Variants in CDH15 observed in about 807,000 individuals in gnomAD.
The protein encoded by CDH15 is cadherin 15, also known as cadherin-15.
CDH15 carries 73 observed loss-of-function variants against 69.4 expected under a neutral mutation model. The observed-to-expected ratio is 1.05, with a 90% CI of 0.87 to 1.28. CDH15 has a LOEUF of 1.28. Among genes scored for constraint, CDH15 ranks in the 50% most tolerant of loss-of-function variants. CDH15 has a pLI of 0.00. For missense variants in CDH15, 1,343 were observed against 1,133.6 expected, an observed-to-expected ratio of 1.18 and a Z score of -2.65; for synonymous variants, 624 against 507.7, an observed-to-expected ratio of 1.23 and a Z score of -3.08.
chr16:89,189,324 T>C (rs1915585250), intron 7 of CDH15, among the ~76,000 whole-genome samples: 1 of 129,844 alleles, frequency 7.7e-6, no homozygotes, highest in Non-Finnish European at 1.6e-5. Flanking sequence ...CACACACACA[T>C]GCCGGCACAC....
chr16:89,194,625 G>C (rs895449700), intron 13 of CDH15, among the ~76,000 whole-genome samples: 2 of 152,184 alleles, frequency 1.3e-5, no homozygotes, highest in African/African-American at 2.4e-5. Flanking sequence ...AGCCCCGGGG[G>C]ACGGGCTGGC....
rs1392942888 is a variant in CDH15 at position 89,192,323 on chromosome 16, C to T, written c.1734C>T (p.Thr578=). 4.6e-6 allele frequency: 7 copies of T among 1,535,744 alleles called. No individual in the cohort carries two copies. In the South Asian group the frequency reaches 8.3e-5, roughly 18 times the overall value. Reference sequence around the variant, plus strand: ...AGCGCGAGCAGCCTCTGAACGTGACCGTGTGCCGCTGCGGCAAGGACGGCG... The same window carrying T: ...AGCGCGAGCAGCCTCTGAACGTGACTGTGTGCCGCTGCGGCAAGGACGGCG... The part of the protein sequence containing the change: ...PQQREQPLNV[T]VCRCGKDGVC... Residue 578 remains threonine (T), a synonymous_variant, in exon 11 of 14, where the codon ACC becomes ACT. Transcript: ENST00000289746.
intron 10 of CDH15, 66 bp from the exon 11 acceptor site, chr16:89,192,139 C>A: frequency 6.8e-7 from 1 of 1,469,158 alleles, no homozygotes; most frequent in South Asian, 1.3e-5. Context: ...TGTCTCGGCG[C>A]GAGGAGGGCA....
At chr16:89,192,176 C>T in intron 10 of CDH15, 29 bp from the exon 11 acceptor site, 6 of 1,516,058 alleles carry the variant, frequency 4.0e-6, no homozygotes, top group Non-Finnish European at 5.3e-6. Context: ...CCTCGGGAGG[C>T]CCTCGCTCAC....
At chr16:89,174,243 G>A (rs890915003) in intron 1 of CDH15, among the ~76,000 whole-genome samples, 2 of 152,216 alleles carry the variant, frequency 1.3e-5, no homozygotes, top group African/African-American at 4.8e-5. Context: ...CAACAGCTGG[G>A]GCCATTCCTG....
chr16:89,181,741 C>T (rs564367033), intron 3 of CDH15, among the ~76,000 whole-genome samples: 1 of 152,040 alleles, frequency 6.6e-6, no homozygotes, highest in East Asian at 1.9e-4. Context: ...AGATCGAGAC[C>T]ATCCTGGCTA....
At position 89,180,349 on chromosome 16, in the gene CDH15, C is replaced by T. The variant is rs768597663; in HGVS notation, c.351C>T (p.Arg117=). 5.5e-5 allele frequency: 88 copies of T among 1,611,796 alleles called. No homozygotes were observed. The highest frequency in any genetic ancestry group is 7.2e-5 in the Non-Finnish European group (85 of 1,179,352). The change falls in exon 3 of 14, where the codon CGC becomes CGT. Residue 117 remains arginine (R), a synonymous_variant. Transcript: ENST00000289746. The part of the protein sequence containing the change: ...NAMLDREKTD[R]FRLRAFALDL... Reference sequence around the variant, plus strand: ...TGCTGGACCGCGAGAAGACTGATCGCTTCAGGGTGCGGAGCTGCGTGGTCG... The same window carrying T: ...TGCTGGACCGCGAGAAGACTGATCGTTTCAGGGTGCGGAGCTGCGTGGTCG...
In CDH15 at chr16:89,188,343, G is replaced by C. The variant is rs147672450; in HGVS notation, c.978+58G>C. On this transcript the variant is annotated intron_variant, in intron 7 of 13. Transcript: ENST00000289746. ...GCAGACGCAGATGCCGACACACACAGATGCCCACACACAGATGCCGGCACA... is the reference window on the plus strand; with the variant it reads ...GCAGACGCAGATGCCGACACACACACATGCCCACACACAGATGCCGGCACA... The C allele has an allele frequency of 2.8e-5, 40 of 1,426,386 alleles. No individual in the cohort carries two copies. The African/African-American group carries it at 5.1e-4, about 18-fold the overall frequency. 88.4% of individuals were successfully genotyped at this position (1,426,386 alleles called of 1,614,324 possible). A position where few individuals can be genotyped will look rare whatever the true frequency, so the allele number is the denominator to read the frequency against.
At chr16:89,185,721 CT>C (rs2151601175) in intron 5 of CDH15, 1 of 335,536 alleles carries the variant, frequency 3.0e-6, no homozygotes, top group Admixed American at 4.2e-5. Flanking sequence ...GAGTCAGCTC[CT>C]CTAGGAAGCC....
intron 7 of CDH15, among the ~76,000 whole-genome samples, chr16:89,188,859 C>G (rs534831161): frequency 6.9e-6 from 1 of 144,472 alleles, no homozygotes; most frequent in Non-Finnish European, 1.5e-5. Flanking sequence ...GATGCCCACG[C>G]ACAGGTGCCC....
At chr16:89,187,337 A>T (rs1915512669) in intron 5 of CDH15, 92 bp from the exon 6 acceptor site, 26 of 1,509,518 alleles carry the variant, frequency 1.7e-5, no homozygotes, top group Admixed American at 3.5e-5. Flanking sequence ...GTAGGAACTG[A>T]GCTGGCCAGG....
In CDH15 at chr16:89,179,456, C is replaced by A. The variant is rs750910148; in HGVS notation, c.83C>A (p.Pro28His). ...LSLGVPGWRR[P>H]TTLYPWRRAP... Reference sequence around the variant, plus strand: ...TTGGGGGTTCCTGGATGGAGGAGGCCCACCACCCTGTACCCCTGGCGCCGG... The same window carrying A: ...TTGGGGGTTCCTGGATGGAGGAGGCACACCACCCTGTACCCCTGGCGCCGG... Residue 28 changes from proline to histidine, a missense_variant, in exon 2 of 14, where the codon CCC becomes CAC. Physicochemically the swap from Pro to His is moderately conservative, Grantham distance 77. Coordinates refer to ENST00000289746, the MANE Select transcript of CDH15 (RefSeq NM_004933.3). The A allele has an allele frequency of 6.2e-7, 1 of 1,613,586 alleles. No individual in the cohort carries two copies. The highest frequency in any genetic ancestry group is 1.3e-5 in the African/African-American group (1 of 75,058).
rs1002708921 is a variant in CDH15, at chr16:89,187,955, C to T, written c.793-145C>T. On this transcript the variant is annotated intron_variant, in intron 6 of 13. Transcript: ENST00000289746. The stretch of plus-strand genomic sequence containing the variant: ...CTGAGGACACCCAGTGGGTGGGGAG[C>T]AGCTTCGACAGGAGCAAGGGAGGGT... The T allele has an allele frequency of 5.4e-6, 4 of 735,976 alleles. No individual in the cohort carries two copies. The African/African-American group carries it at 5.5e-5, about 10-fold the overall frequency. The allele number at this position is 735,976 out of a possible 1,614,324, so 45.6% of individuals were successfully genotyped here.
chr16:89,190,207 G>T (rs375755295), intron 7 of CDH15, 36 bp from the exon 8 acceptor site: 2 of 1,605,428 alleles, frequency 1.2e-6, no homozygotes, highest in South Asian at 2.2e-5. Flanking sequence ...CCACACTTGC[G>T]TTGGGCGGAT....
chr16:89,193,656 C>A, intron 12 of CDH15, 50 bp downstream of exon 12: 14 of 1,566,742 alleles, frequency 8.9e-6, no homozygotes, highest in Non-Finnish European at 1.2e-5. Context: ...ACCCAGGTCG[C>A]GGGCCTTCTT....
chr16:89,195,445 A>C lies in CDH15; in HGVS notation c.*290A>C. 2.1e-6 allele frequency: 1 copy of C among 470,966 alleles called. No homozygotes were observed. The allele number at this position is 470,966 out of a possible 1,614,324, so 29.2% of individuals were successfully genotyped here. ...CCTCATCTTTGTATGAAAGACAGCA[A>C]CCTCCTGGGTAAATCTGAATGAAAA... On this transcript the variant is annotated 3_prime_UTR_variant, in exon 14 of 14. Transcript: ENST00000289746.
At position 89,191,657 on chromosome 16, in the gene CDH15, T is replaced by C. The variant is rs778266409; in HGVS notation, c.1378T>C (p.Ser460Pro). 7.2e-5 allele frequency: 114 copies of C among 1,585,882 alleles called. 1 individual carries two copies. The African/African-American group carries it at 1.4e-3, about 19-fold the overall frequency. ...AGCCGCGGCCTCCTCGCCTGCAGCC[T>C]CCCAGCCCCGCACCGCCACCGGCAC... The part of the protein sequence containing the change: ...RAIVLAQDDA[S>P]QPRTATGTLS... Residue 460 changes from serine (S) to proline (P), a missense_variant and splice_region_variant, in exon 10 of 14, where the codon TCC (serine) becomes CCC (proline). Ser to Pro is a moderately conservative substitution (Grantham distance 74, BLOSUM62 -1). Coordinates refer to ENST00000289746, the MANE Select transcript of CDH15 (RefSeq NM_004933.3).
rs1158738690 is a variant in CDH15, at chr16:89,171,809, GC to G, written c.-20del. The G allele has an allele frequency of 3.0e-5, 46 of 1,548,482 alleles. No homozygotes were observed. The highest frequency in any genetic ancestry group is 1.7e-4 in the Middle Eastern group (1 of 5,988). On this transcript the variant is annotated 5_prime_UTR_variant, in exon 1 of 14. Transcript: ENST00000289746. ...TTCTTCGGGTCGCGGGTGCACTCCG[GC>G]CCGGCTCCCGCCTCGGCCCCGATGG...
chr16:89,182,100 TC>T (rs1915391025), intron 3 of CDH15, among the ~76,000 whole-genome samples: 1 of 6,108 alleles, frequency 1.6e-4, no homozygotes, highest in African/African-American at 7.2e-4. Context: ...CAGCCTCCCC[TC>T]CCCCAGCCTG....
Sources: allele counts gnomAD v4.1 joint callset (sites outside exome capture counted in the v4.1 genomes callset), GRCh38; gene constraint gnomAD v4.1.1; transcripts MANE v1.5; gene names NCBI Gene and HGNC (gene_info 2026-07-23, HGNC 2026-07-21).